The following SPRED1 variants were observed in gnomAD, a reference collection of about 807,000 sequenced individuals.
SPRED1 encodes the protein sprouty related EVH1 domain containing 1, also known as sprouty-related, EVH1 domain-containing protein 1.
In SPRED1, 18 loss-of-function variants were observed where a neutral mutation model predicts 52.3. The observed-to-expected ratio is 0.34, with a 90% CI of 0.24 to 0.51. The LOEUF (loss-of-function observed/expected upper bound fraction) is 0.51. Ranked by LOEUF, SPRED1 falls within the 20% of genes least tolerant of loss-of-function variation. The pLI is 0.97. For synonymous variants in SPRED1, 155 were observed against 179.7 expected, an observed-to-expected ratio of 0.86 and a Z score of 1.10; for missense variants, 485 against 551.0, an observed-to-expected ratio of 0.88 and a Z score of 1.20.
intron 4 of SPRED1, among the ~76,000 whole-genome samples, chr15:38,336,899 T>C (rs539521504): frequency 2.6e-5 from 4 of 152,276 alleles, no homozygotes; most frequent in African/African-American, 9.6e-5. Flanking sequence ...CTTACTCATG[T>C]GACCAAACCA....
At chr15:38,266,569 G>GCTT (rs35868302) in intron 1 of SPRED1, among the ~76,000 whole-genome samples, 1 of 152,192 alleles carries the variant, frequency 6.6e-6, no homozygotes, top group Non-Finnish European at 1.5e-5. Flanking sequence ...CTGAACCCGG[G>GCTT]AAGCTGAGGT....
intron 2 of SPRED1, among the ~76,000 whole-genome samples, chr15:38,316,837 T>C (rs1895498091): frequency 6.7e-6 from 1 of 148,274 alleles, no homozygotes; most frequent in Non-Finnish European, 1.5e-5. Context: ...AAAGTTCTAG[T>C]ACTAATAATA....
chr15:38,282,540 T>A (rs902641135), intron 1 of SPRED1, among the ~76,000 whole-genome samples: 2 of 152,072 alleles, frequency 1.3e-5, no homozygotes, highest in African/African-American at 4.8e-5. Flanking sequence ...TCATTCCTCA[T>A]GCTACTCAAG....
At chr15:38,257,912 C>G (rs191807421) in intron 1 of SPRED1, among the ~76,000 whole-genome samples, 20 of 152,286 alleles carry the variant, frequency 1.3e-4, no homozygotes, top group Admixed American at 2.6e-4. Flanking sequence ...AGCCTTTTCT[C>G]TGGTGTTGTA....
intron 5 of SPRED1, among the ~76,000 whole-genome samples, chr15:38,342,818 C>T (rs1896055243): frequency 6.6e-6 from 1 of 152,000 alleles, no homozygotes. Context: ...TGTCTTTGAA[C>T]AGATTTAGAA....
At chr15:38,278,532 G>C (rs1441135361) in intron 1 of SPRED1, among the ~76,000 whole-genome samples, 1 of 152,160 alleles carries the variant, frequency 6.6e-6, no homozygotes, top group East Asian at 1.9e-4. Context: ...TACTTTTTGT[G>C]TACATTACAG....
In SPRED1 at chr15:38,331,956, C is replaced by G. The variant is rs1167961892; in HGVS notation, c.423+7147C>G. 3.3e-5 allele frequency among the ~76,000 whole-genome samples: 5 copies of G among 151,922 alleles called. No homozygotes were observed. The South Asian group carries it at 1.0e-3, about 32-fold the overall frequency. Reference sequence around the variant, plus strand: ...ATGCATATAACAAAATTTTGGAAACCTAAATGCCCATAATCAGAGTATTAG... The same window carrying G: ...ATGCATATAACAAAATTTTGGAAACGTAAATGCCCATAATCAGAGTATTAG... On this transcript the variant is annotated intron_variant, in intron 4 of 6. Transcript: ENST00000299084.
chr15:38,254,410 A>C (rs541179081), intron 1 of SPRED1, among the ~76,000 whole-genome samples: 1 of 151,998 alleles, frequency 6.6e-6, no homozygotes, highest in Non-Finnish European at 1.5e-5. Context: ...AGAAGGAGGT[A>C]CATTGCTGCA....
chr15:38,345,310 A>G lies in SPRED1; in HGVS notation c.583-4112A>G, dbSNP rs539669748. On this transcript the variant is annotated intron_variant, in intron 5 of 6. Transcript: ENST00000299084. ...CAGTAGCCTGATTAACACATTCTCTACCTAAAATAGGTCTTTATGAGATCA... is the reference window on the plus strand; with the variant it reads ...CAGTAGCCTGATTAACACATTCTCTGCCTAAAATAGGTCTTTATGAGATCA... 1.5e-4 allele frequency among the ~76,000 whole-genome samples: 23 copies of G among 152,356 alleles called. 1 individual carries two copies. In the South Asian group the frequency reaches 3.1e-3, roughly 21 times the overall value.
chr15:38,341,422 T>TC lies in SPRED1; in HGVS notation c.582+1528dup, dbSNP rs1186131426. ...TTTTTTTCAGCTTTTTTCCTTTTTT[T>TC]CTCTCTTTTTCTAATGTATGTATTT... On this transcript the variant is annotated intron_variant, in intron 5 of 6. Coordinates refer to ENST00000299084, the MANE Select transcript of SPRED1 (RefSeq NM_152594.3). 5.3e-5 allele frequency among the ~76,000 whole-genome samples: 8 copies of TC among 152,104 alleles called. No individual in the cohort carries two copies. In the East Asian group the frequency reaches 9.6e-4, roughly 18 times the overall value.
rs151130720 is a variant in SPRED1 at position 38,313,916 on chromosome 15, C to T, written c.208-8325C>T. Among the ~76,000 whole-genome samples, 1,211 of 151,638 alleles carry T rather than the reference C, an allele frequency of 8.0e-3. 7 individuals carry two copies. Among genetic ancestry groups the T allele is most frequent in the Non-Finnish European group, 0.011 (775 of 67,662 alleles). ...ACAAATTTTTATATGGAGTTAATTT[C>T]ATTATCTTTTAGGTCTAAGGGTTTT... On this transcript the variant is annotated intron_variant, in intron 2 of 6. Transcript: ENST00000299084.
chr15:38,288,235 A>G (rs532058311), intron 1 of SPRED1, among the ~76,000 whole-genome samples: 2 of 152,298 alleles, frequency 1.3e-5, no homozygotes, highest in East Asian at 1.9e-4. Context: ...AGAGGAAGGT[A>G]CTGGAAATTT....
At chr15:38,289,368 T>A (rs1331085167) in intron 1 of SPRED1, among the ~76,000 whole-genome samples, 2 of 152,162 alleles carry the variant, frequency 1.3e-5, no homozygotes, top group African/African-American at 4.8e-5. Flanking sequence ...GTGGTGTTTG[T>A]CTTTTCTTAC....
intron 2 of SPRED1, among the ~76,000 whole-genome samples, chr15:38,310,234 A>T (rs1183527032): frequency 6.6e-6 from 1 of 151,470 alleles, no homozygotes; most frequent in Non-Finnish European, 1.5e-5. Context: ...TCTGCCTCCC[A>T]GGTTCAAGCT....
rs564515570 is a variant in SPRED1, at chr15:38,335,695, C to T, written c.424-4042C>T. ...AATGGCCTATACCCGTCTGTAGTAT[C>T]AGCTACTATTTTGAGGCCAGGAGTT... is the stretch of plus-strand genomic sequence containing the variant. On this transcript the variant is annotated intron_variant, in intron 4 of 6. Transcript: ENST00000299084. Among the ~76,000 whole-genome samples, 4 of 151,984 alleles carry T rather than the reference C, an allele frequency of 2.6e-5. No homozygotes were observed. The East Asian group carries it at 7.7e-4, about 29-fold the overall frequency.
intron 2 of SPRED1, among the ~76,000 whole-genome samples, chr15:38,305,353 A>AC (rs1362920584): frequency 1.5e-5 from 1 of 66,474 alleles, no homozygotes; most frequent in Non-Finnish European, 3.7e-5. Context: ...AAAAAAAAAA[A>AC]ACTTTTTTTT....
chr15:38,355,705 GA>G lies in SPRED1; in HGVS notation c.*4045del, dbSNP rs1262925644. The G allele has an allele frequency of 6.6e-6, 1 of 152,164 alleles. No individual in the cohort carries two copies. The highest frequency in any genetic ancestry group is 3.2e-3 in the Middle Eastern group (1 of 316). 9.4% of individuals were successfully genotyped at this position (152,164 alleles called of 1,614,324 possible). On this transcript the variant is annotated 3_prime_UTR_variant, in exon 7 of 7. Transcript: ENST00000299084. The stretch of plus-strand genomic sequence containing the variant: ...AAAACTTAGAAAACTTTAGTTACCT[GA>G]AAAGCAAGGATTCTTTACTAATTAT...
rs1279873370 is a variant in SPRED1 at position 38,356,958 on chromosome 15, G to A, written c.*5294G>A. The A allele has an allele frequency of 6.6e-6, 1 of 152,066 alleles. No homozygotes were observed. Among genetic ancestry groups the A allele is most frequent in the Non-Finnish European group, 1.5e-5 (1 of 67,976 alleles). 9.4% of individuals were successfully genotyped at this position (152,066 alleles called of 1,614,324 possible). A position where few individuals can be genotyped will look rare whatever the true frequency, so the allele number is the denominator to read the frequency against. On this transcript the variant is annotated 3_prime_UTR_variant, in exon 7 of 7. Coordinates refer to ENST00000299084, the MANE Select transcript of SPRED1 (RefSeq NM_152594.3). ...CATTAATTATGAAATGTAGTCTCAT[G>A]TGCTTATTTACAGGTTTTTCAGAAT...
chr15:38,287,352 A>G (rs1234242042), intron 1 of SPRED1, among the ~76,000 whole-genome samples: 1 of 152,050 alleles, frequency 6.6e-6, no homozygotes, highest in Non-Finnish European at 1.5e-5. Flanking sequence ...TTCCCCCACT[A>G]TCTTTTCATT....
Sources: gnomAD v4.1 joint callset for allele counts (sites outside exome capture counted in the v4.1 genomes callset) on GRCh38, gnomAD v4.1.1 for gene constraint, MANE v1.5 for transcripts, NCBI Gene and HGNC (gene_info 2026-07-23, HGNC 2026-07-21) for gene names.